PPP1R12B: variants seen among roughly 807,000 people sequenced by gnomAD.
PPP1R12B encodes the protein myosin phosphatase target subunit 2.
A neutral mutation model predicts 126.1 loss-of-function variants in PPP1R12B; 76 were observed. The ratio of observed to expected loss-of-function variants is 0.60; its 90% CI spans 0.50 to 0.73. The LOEUF (loss-of-function observed/expected upper bound fraction) is 0.73. PPP1R12B is among the 30% of genes least tolerant of loss of function. PPP1R12B has a pLI of 0.00. For synonymous variants in PPP1R12B, 356 were observed against 434.7 expected (o/e 0.82, Z 2.25); for missense variants, 1,052 against 1,205.1 (o/e 0.87, Z 1.88).
rs546279327 is a variant in PPP1R12B at position 202,485,530 on chromosome 1, G to A, written c.1851-3003G>A. Reference sequence around the variant, plus strand: ...GGACAGAGGGACTCTCCTATAGCAAGAATTTCTGGCATTTGTGGTAGCAAT... The same window carrying A: ...GGACAGAGGGACTCTCCTATAGCAAAAATTTCTGGCATTTGTGGTAGCAAT... On this transcript the variant is annotated intron_variant, in intron 13 of 23. Coordinates refer to ENST00000608999, the MANE Select transcript of PPP1R12B (RefSeq NM_002481.4). Among the ~76,000 whole-genome samples the A allele has an allele frequency of 5.9e-5, 9 of 152,210 alleles. No homozygotes were observed. In the South Asian group the frequency reaches 1.7e-3, roughly 28 times the overall value.
intron 18 of PPP1R12B, among the ~76,000 whole-genome samples, chr1:202,523,463 A>C (rs1682988459): frequency 6.6e-6 from 1 of 152,218 alleles, no homozygotes; most frequent in Non-Finnish European, 1.5e-5. Flanking sequence ...TGAAGGAAGA[A>C]CATTTCTTCA....
chr1:202,559,779 C>T (rs1238444644), intron 19 of PPP1R12B, among the ~76,000 whole-genome samples: 1 of 152,138 alleles, frequency 6.6e-6, no homozygotes, highest in Non-Finnish European at 1.5e-5. Context: ...CAGCTGAGGA[C>T]AAATCATTTA....
chr1:202,358,080 T>G (rs1353754744), intron 1 of PPP1R12B, among the ~76,000 whole-genome samples: 2 of 152,184 alleles, frequency 1.3e-5, no homozygotes, highest in African/African-American at 4.8e-5. Flanking sequence ...TATGGAGGTT[T>G]GGGATGTCTA....
intron 9 of PPP1R12B, among the ~76,000 whole-genome samples, chr1:202,436,708 C>A (rs1184971488): frequency 6.6e-6 from 1 of 152,116 alleles, no homozygotes; most frequent in African/African-American, 2.4e-5. Context: ...ATAAAGCTTT[C>A]TTTTCTGATA....
intron 18 of PPP1R12B, among the ~76,000 whole-genome samples, chr1:202,555,529 G>C (rs186939782): frequency 6.7e-6 from 1 of 149,518 alleles, no homozygotes; most frequent in African/African-American, 2.5e-5. Context: ...CAGCAAAAAA[G>C]CATGATTTAA....
intron 18 of PPP1R12B, among the ~76,000 whole-genome samples, chr1:202,504,724 ATAGT>A (rs1365007574): frequency 6.6e-6 from 1 of 152,176 alleles, no homozygotes; most frequent in Non-Finnish European, 1.5e-5. Flanking sequence ...ATATAGCATA[ATAGT>A]TAAGAGGACA....
At chr1:202,371,948 T>C (rs1430044335) in intron 1 of PPP1R12B, among the ~76,000 whole-genome samples, 1 of 144,580 alleles carries the variant, frequency 6.9e-6, no homozygotes, top group African/African-American at 2.5e-5. Context: ...CTCAGCTCAC[T>C]GCAACCTCTG....
At chr1:202,368,188 G>A (rs1429524098) in intron 1 of PPP1R12B, among the ~76,000 whole-genome samples, 8 of 151,992 alleles carry the variant, frequency 5.3e-5, no homozygotes, top group Non-Finnish European at 1.2e-4. Context: ...CCAGGCTGAT[G>A]TTGAACTCCT....
rs1689835348 is a variant in PPP1R12B, at chr1:202,586,714, T to C, written c.*6154T>C. On this transcript the variant is annotated 3_prime_UTR_variant, in exon 24 of 24. Transcript: ENST00000608999. ...GATGCATTCACTTCTCCTTTGAGAGTTGGGGTTGAGGGCAAACATAGAACC... is the reference window on the plus strand; with the variant it reads ...GATGCATTCACTTCTCCTTTGAGAGCTGGGGTTGAGGGCAAACATAGAACC... The C allele has an allele frequency of 6.6e-6, 1 of 152,214 alleles. No homozygotes were observed. The highest frequency in any genetic ancestry group is 2.4e-5 in the African/African-American group (1 of 41,452). 9.4% of individuals were successfully genotyped at this position (152,214 alleles called of 1,614,324 possible).
chr1:202,463,836 C>A (rs536835691), intron 13 of PPP1R12B, among the ~76,000 whole-genome samples: 201 of 152,280 alleles, frequency 1.3e-3, no homozygotes, highest in Non-Finnish European at 2.5e-3. Context: ...AGAGCACTCA[C>A]CAAACTCTGA....
In PPP1R12B at chr1:202,439,399, G is replaced by A. The variant is rs997290411; in HGVS notation, c.1459-1307G>A. 158 of 1,237,264 alleles carry A rather than the reference G, an allele frequency of 1.3e-4. No individual in the cohort carries two copies. The African/African-American group carries it at 1.3e-3, about 10-fold the overall frequency. 76.6% of individuals were successfully genotyped at this position (1,237,264 alleles called of 1,614,324 possible). On this transcript the variant is annotated intron_variant, in intron 10 of 23. Transcript: ENST00000608999. ...CTGGTGAAGAAGCACGCGGCACAGC[G>A]GAGCACGGAGACCGCCCTGTACTGG...
intron 1 of PPP1R12B, among the ~76,000 whole-genome samples, chr1:202,365,553 T>G (rs1471658955): frequency 2.0e-5 from 3 of 152,254 alleles, no homozygotes; most frequent in Non-Finnish European, 2.9e-5. Context: ...TTTATTCCAC[T>G]TAATGATGAG....
chr1:202,414,722 A>G (rs1667838432), intron 1 of PPP1R12B, among the ~76,000 whole-genome samples: 1 of 152,184 alleles, frequency 6.6e-6, no homozygotes, highest in Admixed American at 6.5e-5. Flanking sequence ...TGTTATTTTG[A>G]TTTTAAAAAG....
chr1:202,447,120 C>A (rs945275179), intron 12 of PPP1R12B, among the ~76,000 whole-genome samples: 1 of 152,178 alleles, frequency 6.6e-6, no homozygotes, highest in Non-Finnish European at 1.5e-5. Context: ...TATATTGCTG[C>A]CCTCAATGAT....
intron 18 of PPP1R12B, among the ~76,000 whole-genome samples, chr1:202,510,549 A>G (rs1382865012): frequency 1.3e-5 from 2 of 152,166 alleles, no homozygotes; most frequent in Non-Finnish European, 2.9e-5. Context: ...TAGCACACTA[A>G]AGAAGCTTAG....
rs141589562 is a variant in PPP1R12B, at chr1:202,437,833, C to G, written c.1267C>G (p.Leu423Val). 4.8e-5 allele frequency: 77 copies of G among 1,610,658 alleles called. No homozygotes were observed. Among genetic ancestry groups the G allele is most frequent in the Non-Finnish European group, 4.0e-5 (47 of 1,177,890 alleles). Reference sequence around the variant, plus strand: ...GCTTCTCTCATAGTTCTCTTCTGGCCTTTTTAACAAGCCAGAAGAGCCCAA... The same window carrying G: ...GCTTCTCTCATAGTTCTCTTCTGGCGTTTTTAACAAGCCAGAAGAGCCCAA... ...ASSARRFSSG[L>V]FNKPEEPKDE... Residue 423 changes from leucine (L) to valine (V), a missense_variant, in exon 10 of 24, where the codon CTT becomes GTT. Physicochemically the swap from Leu to Val is conservative, Grantham distance 32. Coordinates refer to ENST00000608999, the MANE Select transcript of PPP1R12B (RefSeq NM_002481.4).
chr1:202,502,377 T>C, intron 18 of PPP1R12B: 1 of 985,060 alleles, frequency 1.0e-6, no homozygotes, highest in Non-Finnish European at 1.2e-6. Flanking sequence ...TGGAATTTGC[T>C]AGCAGAGCTG....
At chr1:202,502,400 T>C in intron 18 of PPP1R12B, 1 of 983,956 alleles carries the variant, frequency 1.0e-6, no homozygotes, top group Non-Finnish European at 1.2e-6. Context: ...TTTTGAACTT[T>C]AACAGAAAAT....
At chr1:202,457,234 A>G (rs897273008) in intron 13 of PPP1R12B, among the ~76,000 whole-genome samples, 16 of 152,240 alleles carry the variant, frequency 1.1e-4, no homozygotes, top group Non-Finnish European at 4.4e-5. Context: ...GCACAGAGAC[A>G]TTAAGGATAC....
Sources: gnomAD v4.1 joint callset for allele counts (sites outside exome capture counted in the v4.1 genomes callset) on GRCh38, gnomAD v4.1.1 for gene constraint, MANE v1.5 for transcripts, NCBI Gene and HGNC (gene_info 2026-07-23, HGNC 2026-07-21) for gene names.